Variants in CLYBL observed in about 807,000 individuals in gnomAD.
CLYBL encodes the protein citramalyl-CoA lyase.
A neutral mutation model predicts 38.9 loss-of-function variants in CLYBL; 31 were observed. That is an observed-to-expected ratio of 0.80 (90% CI 0.60 to 1.08). The LOEUF is 1.08. CLYBL is among the 50% of genes least tolerant of loss of function. The pLI is 0.00. For missense variants in CLYBL, 434 were observed against 411.6 expected (o/e 1.05, Z -0.47); for synonymous variants, 171 against 158.6 (o/e 1.08, Z -0.59).
At chr13:99,741,799 C>T (rs918414056) in intron 1 of CLYBL, among the ~76,000 whole-genome samples, 1 of 152,178 alleles carries the variant, frequency 6.6e-6, no homozygotes, top group Admixed American at 6.5e-5. Flanking sequence ...TGTCTCTAAC[C>T]ATATGATCAA....
intron 1 of CLYBL, among the ~76,000 whole-genome samples, chr13:99,745,254 A>G (rs909054429): frequency 3.3e-5 from 5 of 152,254 alleles, no homozygotes; most frequent in Non-Finnish European, 7.3e-5. Flanking sequence ...ATAGATTATT[A>G]TAGACATACA....
At chr13:99,811,500 T>G (rs1453102788) in intron 2 of CLYBL, among the ~76,000 whole-genome samples, 1 of 152,158 alleles carries the variant, frequency 6.6e-6, no homozygotes, top group Non-Finnish European at 1.5e-5. Flanking sequence ...GAAGAAAATC[T>G]GACAGCTCTG....
chr13:99,810,072 A>T (rs2138981440), intron 2 of CLYBL, among the ~76,000 whole-genome samples: 1 of 152,382 alleles, frequency 6.6e-6, no homozygotes, highest in African/African-American at 2.4e-5. Flanking sequence ...TTGTTGGTGA[A>T]GTCATACTAG....
intron 1 of CLYBL, among the ~76,000 whole-genome samples, chr13:99,669,292 G>A (rs1201399197): frequency 2.0e-5 from 3 of 152,046 alleles, no homozygotes; most frequent in South Asian, 4.1e-4. Flanking sequence ...GTGAGCTGCC[G>A]CGCCCGGCCA....
chr13:99,829,148 AACCTGTCACAGG>A (rs879176067), intron 2 of CLYBL, among the ~76,000 whole-genome samples: 1 of 152,238 alleles, frequency 6.6e-6, no homozygotes, highest in Non-Finnish European at 1.5e-5. Context: ...GAATGTGTTG[AACCTGTCACAGG>A]ACAGAGATTT....
chr13:99,748,509 G>A lies in CLYBL; in HGVS notation c.63-24315G>A, dbSNP rs1217176679. On this transcript the variant is annotated intron_variant, in intron 1 of 8. Transcript: ENST00000339105. ...GGTTGGAGTGCTGTGGCACGATCTCGGCTCACTGCAACCTCCGCCTCCCCG... is the reference window on the plus strand; with the variant it reads ...GGTTGGAGTGCTGTGGCACGATCTCAGCTCACTGCAACCTCCGCCTCCCCG... Among the ~76,000 whole-genome samples the A allele has an allele frequency of 5.5e-5, 7 of 128,316 alleles. No homozygotes were observed. In the East Asian group the frequency reaches 1.8e-3, roughly 32 times the overall value. 84.2% of individuals were successfully genotyped at this position (128,316 alleles called of 152,430 possible).
At chr13:99,776,027 G>C (rs1220284714) in intron 2 of CLYBL, among the ~76,000 whole-genome samples, 3 of 151,814 alleles carry the variant, frequency 2.0e-5, no homozygotes, top group Admixed American at 6.6e-5. Flanking sequence ...AGCTGGGCGT[G>C]GTGGCGGGCG....
intron 1 of CLYBL, among the ~76,000 whole-genome samples, chr13:99,713,597 T>A (rs1415632486): frequency 6.6e-6 from 1 of 151,986 alleles, no homozygotes; most frequent in Non-Finnish European, 1.5e-5. Context: ...TCCTTGGCCT[T>A]CCAAAGTGCT....
chr13:99,660,108 A>G (rs1393029687), intron 1 of CLYBL, among the ~76,000 whole-genome samples: 2 of 152,228 alleles, frequency 1.3e-5, no homozygotes, highest in African/African-American at 4.8e-5. Flanking sequence ...CGAATGGAAT[A>G]AATTGAGGCA....
At chr13:99,790,159 AGTCT>A (rs2049886201) in intron 2 of CLYBL, among the ~76,000 whole-genome samples, 1 of 152,090 alleles carries the variant, frequency 6.6e-6, no homozygotes. Context: ...CCAATTTGCC[AGTCT>A]GTGTCTTTTA....
chr13:99,698,681 A>T (rs1055713487), intron 1 of CLYBL, among the ~76,000 whole-genome samples: 1 of 152,196 alleles, frequency 6.6e-6, no homozygotes, highest in Non-Finnish European at 1.5e-5. Context: ...GTGGCTTTAT[A>T]TGCATTTGTA....
chr13:99,880,070 T>TATATATATA (rs1186082855), intron 7 of CLYBL, among the ~76,000 whole-genome samples: 297 of 29,036 alleles, frequency 0.01, no homozygotes, highest in Non-Finnish European at 0.017. Context: ...ATATATATAT[T>TATATATATA]TTTTTTTTTT....
intron 7 of CLYBL, among the ~76,000 whole-genome samples, chr13:99,883,533 A>T (rs1291346699): frequency 3.3e-5 from 5 of 151,928 alleles, no homozygotes; most frequent in Non-Finnish European, 7.4e-5. Context: ...AAAAAAAAAA[A>T]ATAGCAGAAC....
intron 5 of CLYBL, 75 bp from the exon 6 acceptor site, chr13:99,866,165 G>A: frequency 7.2e-7 from 1 of 1,394,748 alleles, no homozygotes; most frequent in Non-Finnish European, 1.0e-6. Context: ...TGTACAAACT[G>A]AGGTTTTATA....
At chr13:99,722,304 C>T (rs2048405158) in intron 1 of CLYBL, among the ~76,000 whole-genome samples, 1 of 152,192 alleles carries the variant, frequency 6.6e-6, no homozygotes, top group Non-Finnish European at 1.5e-5. Flanking sequence ...GCTGACAGCC[C>T]TCGGTGGATA....
At chr13:99,785,684 C>A (rs1594181652) in intron 2 of CLYBL, among the ~76,000 whole-genome samples, 4 of 151,728 alleles carry the variant, frequency 2.6e-5, no homozygotes, top group African/African-American at 9.7e-5. Flanking sequence ...GCAACATCTG[C>A]CTCCCAGGTT....
chr13:99,905,722 C>CT (rs35968589), intron 9 of CLYBL, among the ~76,000 whole-genome samples: 30,023 of 146,414 alleles, frequency 0.21, 3,492 homozygotes, highest in South Asian at 0.35. Flanking sequence ...GTTGTTTTTG[C>CT]TTTTTTTTTT....
At chr13:99,872,637 G>A (rs1035650594) in intron 7 of CLYBL, among the ~76,000 whole-genome samples, 1 of 152,226 alleles carries the variant, frequency 6.6e-6, no homozygotes, top group South Asian at 2.1e-4. Context: ...TGAAACGAGA[G>A]AGCAGAGTTC....
chr13:99,658,672 A>G (rs1055421474), intron 1 of CLYBL, among the ~76,000 whole-genome samples: 1 of 152,182 alleles, frequency 6.6e-6, no homozygotes, highest in Admixed American at 6.5e-5. Flanking sequence ...CGGGCAGAGC[A>G]GGTTCTCTGC....
Sources: allele counts gnomAD v4.1 joint callset (sites outside exome capture counted in the v4.1 genomes callset), GRCh38; gene constraint gnomAD v4.1.1; transcripts MANE v1.5; gene names NCBI Gene and HGNC (gene_info 2026-07-23, HGNC 2026-07-21).